Variants in RFX3 observed in about 807,000 individuals in gnomAD.
RFX3 encodes the protein transcription factor RFX3.
RFX3 carries 14 observed loss-of-function variants against 98.6 expected under a neutral mutation model. That is an observed-to-expected ratio of 0.14 (90% confidence interval 0.09 to 0.22). The LOEUF is 0.22. Among genes scored for constraint, RFX3 ranks in the 10% least tolerant of loss-of-function variants. The pLI is 1.00. For missense variants in RFX3, 639 were observed against 926.9 expected, an observed-to-expected ratio of 0.69 and a Z score of 4.03; for synonymous variants, 383 against 328.4, an observed-to-expected ratio of 1.17 and a Z score of -1.80.
At chr9:3,372,275 T>G (rs1301660852) in intron 2 of RFX3, among the ~76,000 whole-genome samples, 2 of 152,194 alleles carry the variant, frequency 1.3e-5, no homozygotes, top group Non-Finnish European at 2.9e-5. Flanking sequence ...GGGATAACTC[T>G]GAGATGTGGG....
chr9:3,442,135 G>A (rs1212495186), intron 1 of RFX3, among the ~76,000 whole-genome samples: 2 of 152,070 alleles, frequency 1.3e-5, no homozygotes, highest in African/African-American at 2.4e-5. Context: ...GGGAGACAGA[G>A]GTTGCAATGA....
At chr9:3,367,469 G>A (rs781239035) in intron 2 of RFX3, among the ~76,000 whole-genome samples, 1 of 152,180 alleles carries the variant, frequency 6.6e-6, no homozygotes, top group Non-Finnish European at 1.5e-5. Context: ...ACATGGAACA[G>A]AGAACTCAAT....
intron 2 of RFX3, among the ~76,000 whole-genome samples, chr9:3,362,647 T>C (rs963868364): frequency 2.0e-5 from 3 of 152,196 alleles, no homozygotes; most frequent in Non-Finnish European, 4.4e-5. Context: ...ATAAGTGTAA[T>C]AGTGTTATGC....
chr9:3,337,096 G>A (rs139490008), intron 3 of RFX3, among the ~76,000 whole-genome samples: 1 of 152,210 alleles, frequency 6.6e-6, no homozygotes, highest in East Asian at 1.9e-4. Context: ...GGAGGAGGTA[G>A]GGCAATGTTC....
intron 1 of RFX3, among the ~76,000 whole-genome samples, chr9:3,476,131 TA>T (rs1849229884): frequency 6.6e-6 from 1 of 151,294 alleles, no homozygotes; most frequent in Admixed American, 6.6e-5. Context: ...AATATTGGCA[TA>T]AAGAGTAATT....
chr9:3,521,296 C>A, intron 1 of RFX3, among the ~76,000 whole-genome samples: 1 of 152,058 alleles, frequency 6.6e-6, no homozygotes, highest in East Asian at 1.9e-4. Context: ...AGATATCAAT[C>A]TTTATATTGT....
At chr9:3,461,687 T>C (rs2133065047) in intron 1 of RFX3, among the ~76,000 whole-genome samples, 1 of 152,014 alleles carries the variant, frequency 6.6e-6, no homozygotes, top group East Asian at 1.9e-4. Flanking sequence ...CACAAAATGT[T>C]TACATGAACG....
rs78201634 is a variant in RFX3, at chr9:3,469,250, T to A, written c.-9+56497A>T. 2.6e-3 allele frequency: 1,172 copies of A among 448,036 alleles called. 14 individuals carry two copies. The highest frequency in any genetic ancestry group is 0.02 in the African/African-American group (1,016 of 49,688). 27.8% of individuals were successfully genotyped at this position (448,036 alleles called of 1,614,324 possible). A position where few individuals can be genotyped will look rare whatever the true frequency, so the allele number is the denominator to read the frequency against. On this transcript the variant is annotated intron_variant, in intron 1 of 16. Transcript: ENST00000617270. ...TTTGTGTTCAATGTAGGAACACAAA[T>A]ACGTTATGCTTCTGTGTTCATATAC... is the stretch of plus-strand genomic sequence containing the variant.
At chr9:3,426,579 C>T (rs1186894968) in intron 1 of RFX3, among the ~76,000 whole-genome samples, 1 of 152,134 alleles carries the variant, frequency 6.6e-6, no homozygotes, top group Non-Finnish European at 1.5e-5. Flanking sequence ...TTTACAGCCA[C>T]TCCCCATTGC....
At chr9:3,365,786 G>C (rs552656454) in intron 2 of RFX3, among the ~76,000 whole-genome samples, 19 of 151,890 alleles carry the variant, frequency 1.3e-4, no homozygotes, top group Non-Finnish European at 2.4e-4. Context: ...AGAGATAATG[G>C]TATACAATCC....
At chr9:3,355,845 C>A (rs1252805760) in intron 2 of RFX3, among the ~76,000 whole-genome samples, 3 of 151,646 alleles carry the variant, frequency 2.0e-5, no homozygotes, top group Non-Finnish European at 3.0e-5. Context: ...GCTCTCTGAC[C>A]AAAAACATTA....
At chr9:3,518,264 C>G (rs1448851530) in intron 1 of RFX3, among the ~76,000 whole-genome samples, 1 of 152,132 alleles carries the variant, frequency 6.6e-6, no homozygotes, top group African/African-American at 2.4e-5. Context: ...CATAACCTGA[C>G]CATCCAAATC....
chr9:3,448,905 G>T (rs144538497), intron 1 of RFX3, among the ~76,000 whole-genome samples: 1 of 152,258 alleles, frequency 6.6e-6, no homozygotes, highest in African/African-American at 2.4e-5. Context: ...ATTCAACCCA[G>T]AAAACTCCAA....
intron 4 of RFX3, among the ~76,000 whole-genome samples, chr9:3,325,990 T>A (rs1468355124): frequency 6.6e-6 from 1 of 152,142 alleles, no homozygotes. Flanking sequence ...ACTGAAATAT[T>A]AACAATAAAC....
At chr9:3,419,838 T>C (rs1843293836) in intron 1 of RFX3, among the ~76,000 whole-genome samples, 1 of 152,264 alleles carries the variant, frequency 6.6e-6, no homozygotes, top group African/African-American at 2.4e-5. Flanking sequence ...TGTTTAATAA[T>C]TTTTTATTGT....
chr9:3,369,224 TG>T (rs1284148391), intron 2 of RFX3, among the ~76,000 whole-genome samples: 1 of 152,226 alleles, frequency 6.6e-6, no homozygotes, highest in Non-Finnish European at 1.5e-5. Flanking sequence ...GTCTGGATGC[TG>T]GGAATTTCAA....
chr9:3,417,593 G>A (rs549463072), intron 1 of RFX3, among the ~76,000 whole-genome samples: 1 of 152,096 alleles, frequency 6.6e-6, no homozygotes, highest in Non-Finnish European at 1.5e-5. Context: ...AATTAAAACA[G>A]AAGTATTTTG....
At position 3,447,850 on chromosome 9, in the gene RFX3, C is replaced by T. The variant is rs544555375; in HGVS notation, c.-8-52254G>A. On this transcript the variant is annotated intron_variant, in intron 1 of 16. Transcript: ENST00000617270. ...GTCTCTGAAATCTCCTATTTAAAGG[C>T]TAGCAGTGCTTTTTTAATTATGCTA... Among the ~76,000 whole-genome samples the T allele has an allele frequency of 3.9e-5, 6 of 152,144 alleles. No homozygotes were observed. In the South Asian group the frequency reaches 1.0e-3, roughly 26 times the overall value.
At chr9:3,468,312 T>C (rs924067718) in intron 1 of RFX3, among the ~76,000 whole-genome samples, 8 of 152,214 alleles carry the variant, frequency 5.3e-5, no homozygotes, top group Non-Finnish European at 1.0e-4. Context: ...TTATTGATAT[T>C]TGGCAGTCAG....
Sources: gnomAD v4.1 joint callset for allele counts (sites outside exome capture counted in the v4.1 genomes callset) on GRCh38, gnomAD v4.1.1 for gene constraint, MANE v1.5 for transcripts, NCBI Gene and HGNC (gene_info 2026-07-23, HGNC 2026-07-21) for gene names.